The following CSMD1 variants were observed in gnomAD, a reference collection of about 807,000 sequenced individuals.
CSMD1 encodes CUB and sushi domain-containing protein 1.
Under a neutral mutation model 417.5 loss-of-function variants are expected in CSMD1, and 213 were observed. That is an observed-to-expected ratio of 0.51 (90% CI 0.46 to 0.57). The LOEUF (loss-of-function observed/expected upper bound fraction) is 0.57, where lower values mean the gene tolerates loss of function less well. Ranked by LOEUF, CSMD1 falls within the 20% of genes least tolerant of loss-of-function variation. The pLI is 0.00. For missense variants in CSMD1, 6,923 were observed against 4,529.7 expected (o/e 1.53, Z -15.17); for synonymous variants, 2,862 against 1,736.8 (o/e 1.65, Z -16.11).
At position 3,308,439 on chromosome 8, in the gene CSMD1, TTCA is replaced by T; in HGVS notation, c.3693_3695del (p.Asp1231del). On this transcript the variant is annotated inframe_deletion, in exon 24 of 70. Transcript: ENST00000635120. ...GAACTACAGTGTCGGTAAAGTGGCCTTCATCACGGATCCTATAGCCGTAGTTAG... is the reference window on the plus strand; with the variant it reads ...GAACTACAGTGTCGGTAAAGTGGCCTTCACGGATCCTATAGCCGTAGTTAG... The T allele has an allele frequency of 6.2e-7, 1 of 1,613,826 alleles. No individual in the cohort carries two copies. The highest frequency in any genetic ancestry group is 8.5e-7 in the Non-Finnish European group (1 of 1,179,800).
At chr8:3,232,668 C>G (rs76407247) in intron 26 of CSMD1, among the ~76,000 whole-genome samples, 5,722 of 152,194 alleles carry the variant, frequency 0.038, 257 homozygotes, top group South Asian at 0.21. Context: ...CCAGAATTGT[C>G]TTTTAATTGG....
chr8:4,342,855 A>G (rs973257775), intron 3 of CSMD1, among the ~76,000 whole-genome samples: 52 of 152,086 alleles, frequency 3.4e-4, no homozygotes, highest in African/African-American at 1.2e-3. Context: ...CACCCTAGAT[A>G]CACCAAAGGC....
At chr8:3,571,266 T>G in intron 10 of CSMD1, among the ~76,000 whole-genome samples, 1 of 152,182 alleles carries the variant, frequency 6.6e-6, no homozygotes, top group East Asian at 1.9e-4. Context: ...ACCTGTGAAT[T>G]CTAAATGTGC....
At chr8:3,336,818 TC>T (rs1229577585) in intron 23 of CSMD1, among the ~76,000 whole-genome samples, 25 of 152,074 alleles carry the variant, frequency 1.6e-4, no homozygotes, top group African/African-American at 5.3e-4. Flanking sequence ...CAGGCACAGC[TC>T]CTGTCTAATT....
At chr8:4,159,252 T>C (rs989939458) in intron 3 of CSMD1, among the ~76,000 whole-genome samples, 1 of 152,208 alleles carries the variant, frequency 6.6e-6, no homozygotes, top group Non-Finnish European at 1.5e-5. Flanking sequence ...TGAAATGTTT[T>C]ACTCATTGGG....
At chr8:4,331,409 T>C (rs1251673357) in intron 3 of CSMD1, among the ~76,000 whole-genome samples, 4 of 152,190 alleles carry the variant, frequency 2.6e-5, no homozygotes, top group Non-Finnish European at 2.9e-5. Flanking sequence ...TCATGGTTAG[T>C]TGTCTTTCAG....
chr8:4,049,776 C>A (rs547351722), intron 3 of CSMD1, among the ~76,000 whole-genome samples: 1 of 152,182 alleles, frequency 6.6e-6, no homozygotes, highest in South Asian at 2.1e-4. Flanking sequence ...GGCCACAGCC[C>A]GTTTTCCTTA....
chr8:3,627,948 G>A (rs1434143395), intron 7 of CSMD1, among the ~76,000 whole-genome samples: 1 of 152,146 alleles, frequency 6.6e-6, no homozygotes, highest in Non-Finnish European at 1.5e-5. Context: ...AAAGGAAAAT[G>A]AGAAGTACTT....
intron 11 of CSMD1, among the ~76,000 whole-genome samples, chr8:3,475,172 G>C (rs148207301): frequency 0.014 from 2,074 of 147,352 alleles, 28 homozygotes; most frequent in Admixed American, 0.02. Context: ...GCATTTCTTA[G>C]CCTCTTGAAG....
At chr8:3,530,801 T>C (rs1214353009) in intron 10 of CSMD1, among the ~76,000 whole-genome samples, 1 of 151,784 alleles carries the variant, frequency 6.6e-6, no homozygotes, top group South Asian at 2.1e-4. Flanking sequence ...AGTGCTACTA[T>C]TACAGGCATG....
chr8:3,097,111 T>A, intron 46 of CSMD1, 74 bp from the exon 47 acceptor site: 1 of 1,175,798 alleles, frequency 8.5e-7, no homozygotes, highest in Non-Finnish European at 1.2e-6. Flanking sequence ...TTTCTATCCC[T>A]GTATAAACAA....
At chr8:4,185,949 G>T (rs559050033) in intron 3 of CSMD1, among the ~76,000 whole-genome samples, 4 of 152,090 alleles carry the variant, frequency 2.6e-5, no homozygotes, top group African/African-American at 9.7e-5. Flanking sequence ...TTCAGCTTAA[G>T]GTCTACGGTG....
intron 2 of CSMD1, among the ~76,000 whole-genome samples, chr8:4,565,659 A>C (rs901723846): frequency 2.7e-5 from 4 of 150,924 alleles, no homozygotes; most frequent in Non-Finnish European, 5.9e-5. Context: ...CGTTTGAACC[A>C]AGGAGGCAGA....
rs75181062 is a variant in CSMD1 at position 3,992,647 on chromosome 8, G to T, written c.818+5256C>A. On this transcript the variant is annotated intron_variant, in intron 5 of 69. Coordinates refer to ENST00000635120, the MANE Select transcript of CSMD1 (RefSeq NM_033225.6). ...AAAAATGTTTTAAAAATTAGCCAGG[G>T]TTCTGCACCTGTAGTCCCAGATACA... Among the ~76,000 whole-genome samples the T allele has an allele frequency of 9.5e-3, 1,451 of 152,184 alleles. 14 individuals carry two copies. Among genetic ancestry groups the T allele is most frequent in the Non-Finnish European group, 0.016 (1,102 of 67,992 alleles).
chr8:3,643,315 G>A (rs539722962), intron 7 of CSMD1, among the ~76,000 whole-genome samples: 3 of 151,802 alleles, frequency 2.0e-5, no homozygotes, highest in African/African-American at 4.8e-5. Context: ...AAAGAAAGAG[G>A]TGAAAAAAAA....
intron 6 of CSMD1, among the ~76,000 whole-genome samples, chr8:3,730,503 G>T (rs1244489669): frequency 6.6e-6 from 1 of 151,930 alleles, no homozygotes; most frequent in East Asian, 1.9e-4. Flanking sequence ...GACTGATGCT[G>T]ATTTGGCCCC....
chr8:3,246,466 T>A (rs1426730517), intron 26 of CSMD1, among the ~76,000 whole-genome samples: 1 of 152,144 alleles, frequency 6.6e-6, no homozygotes. Flanking sequence ...CTTTATTTTA[T>A]TTTTTTAAAT....
At chr8:3,058,261 G>T in intron 49 of CSMD1, among the ~76,000 whole-genome samples, 1 of 152,224 alleles carries the variant, frequency 6.6e-6, no homozygotes, top group Non-Finnish European at 1.5e-5. Flanking sequence ...TTAAATTACC[G>T]TGTGCATTGT....
chr8:3,620,692 C>T (rs762657199), intron 7 of CSMD1, among the ~76,000 whole-genome samples: 5 of 151,980 alleles, frequency 3.3e-5, no homozygotes, highest in Admixed American at 6.6e-5. Context: ...ACAATCACAA[C>T]GTGACACTAC....
Sources: gnomAD v4.1 joint callset for allele counts (sites outside exome capture counted in the v4.1 genomes callset) on GRCh38, gnomAD v4.1.1 for gene constraint, MANE v1.5 for transcripts, NCBI Gene and HGNC (gene_info 2026-07-23, HGNC 2026-07-21) for gene names.